BAZ2A: variants seen among roughly 807,000 people sequenced by gnomAD.
The protein encoded by BAZ2A is bromodomain adjacent to zinc finger domain 2A, also known as bromodomain adjacent to zinc finger domain protein 2A.
In BAZ2A, 34 loss-of-function variants were observed where a neutral mutation model predicts 199.9. The ratio of observed to expected loss-of-function variants is 0.17; its 90% CI spans 0.13 to 0.23. The LOEUF (loss-of-function observed/expected upper bound fraction) is 0.23, where lower values mean the gene tolerates loss of function less well. BAZ2A is among the 10% of genes least tolerant of loss of function. BAZ2A has a pLI of 1.00. For missense variants in BAZ2A, 2,002 were observed against 2,391.1 expected (o/e 0.84, Z 3.39); for synonymous variants, 857 against 883.9 (o/e 0.97, Z 0.54).
rs761759458 is a variant in BAZ2A, at chr12:56,630,202, G to A, written c.-80C>T. 12 of 985,582 alleles carry A rather than the reference G, an allele frequency of 1.2e-5. No homozygotes were observed. The highest frequency in any genetic ancestry group is 1.1e-4 in the East Asian group (1 of 8,816). 61.1% of individuals were successfully genotyped at this position (985,582 alleles called of 1,614,324 possible). A position where few individuals can be genotyped will look rare whatever the true frequency, so the allele number is the denominator to read the frequency against. ...AGCGGTTCACATGGCCGCGCTCCGGGCGCCAGAACGGGTGGAGACGCCCGC... is the reference window on the plus strand; with the variant it reads ...AGCGGTTCACATGGCCGCGCTCCGGACGCCAGAACGGGTGGAGACGCCCGC... On this transcript the variant is annotated 5_prime_UTR_variant, in exon 1 of 29. Coordinates refer to ENST00000549884, the MANE Select transcript of BAZ2A (RefSeq NM_001300905.2).
intron 1 of BAZ2A, among the ~76,000 whole-genome samples, chr12:56,622,831 T>C (rs1950961373): frequency 1.3e-5 from 2 of 152,192 alleles, no homozygotes; most frequent in Non-Finnish European, 2.9e-5. Flanking sequence ...GTAAGGGACA[T>C]TGCCCTATAA....
At chr12:56,625,154 C>CTT (rs1002458672) in intron 1 of BAZ2A, among the ~76,000 whole-genome samples, 224 of 108,060 alleles carry the variant, frequency 2.1e-3, no homozygotes, top group Middle Eastern at 0.01. Flanking sequence ...CTTAGAATTT[C>CTT]TTTTTTTTTT....
At chr12:56,634,562 G>A (rs1363098755), upstream of BAZ2A, among the ~76,000 whole-genome samples, 1 of 152,228 alleles carries the variant, frequency 6.6e-6, no homozygotes, top group Non-Finnish European at 1.5e-5. Context: ...CTACGGGGAA[G>A]GAGAGGAGTT....
Position 56,604,302 on chromosome 12 carries a change from A to G in BAZ2A, c.2964-11T>C, listed in dbSNP as rs552425971. 5.0e-6 allele frequency: 8 copies of G among 1,602,236 alleles called. No homozygotes were observed. In the African/African-American group the frequency reaches 8.0e-5, roughly 16 times the overall value. On this transcript the variant is annotated splice_polypyrimidine_tract_variant and intron_variant, in intron 15 of 28. Coordinates refer to ENST00000549884, the MANE Select transcript of BAZ2A (RefSeq NM_001300905.2). ...GTCTTGTCAATCTCACTGCAGGGGA[A>G]TAGGGAATAGGATGAAGTGGCAGCA... is the stretch of plus-strand genomic sequence containing the variant.
Position 56,605,344 on chromosome 12 carries a change from G to A in BAZ2A, c.2494-17C>T. On this transcript the variant is annotated splice_polypyrimidine_tract_variant and intron_variant, in intron 13 of 28. Transcript: ENST00000549884. Reference sequence around the variant, plus strand: ...AGGCAGGGGCTAGAGAGAGAAAAGTGAGTAGAGAGTTCTGTTAAACATAAC... The same window carrying A: ...AGGCAGGGGCTAGAGAGAGAAAAGTAAGTAGAGAGTTCTGTTAAACATAAC... 1 of 1,592,122 alleles carries A rather than the reference G, an allele frequency of 6.3e-7. No homozygotes were observed. Among genetic ancestry groups the A allele is most frequent in the South Asian group, 1.1e-5 (1 of 89,346 alleles).
Position 56,600,410 on chromosome 12 carries a change from G to T in BAZ2A, c.4683C>A (p.Ile1561=). 6.2e-7 allele frequency: 1 copy of T among 1,614,044 alleles called. No homozygotes were observed. Residue 1561 remains isoleucine (I), a synonymous_variant, in exon 24 of 29, where the codon ATC becomes ATA. Transcript: ENST00000549884. ...CCTCCCTGCCCCGACCTCGCCAGGT[G>T]ATATCCTCCTGGGAGTCGGAGAGGT... is the stretch of plus-strand genomic sequence containing the variant. ...CEHLSDSQED[I]TWRGRGREGL...
chr12:56,613,983 A>C lies in BAZ2A; in HGVS notation c.886T>G (p.Ser296Ala). 1.2e-6 allele frequency: 2 copies of C among 1,613,956 alleles called. No homozygotes were observed. The highest frequency in any genetic ancestry group is 2.2e-5 in the South Asian group (2 of 91,074). ...LEDTPILSED[S>A]LEPFNSLAPE... Reference sequence around the variant, plus strand: ...GCCAGAGAGTTGAAGGGCTCCAGAGAGTCTTCACTGAGGATTGGAGTGTCT... The same window carrying C: ...GCCAGAGAGTTGAAGGGCTCCAGAGCGTCTTCACTGAGGATTGGAGTGTCT... The change falls in exon 4 of 29, where the codon TCT (serine) becomes GCT (alanine). Residue 296 changes from serine (S) to alanine (A), a missense_variant. Around this residue, in one of 6 missense-constraint regions of BAZ2A, gnomAD observed 641 missense variants for 694.5 expected, o/e 0.92. Transcript: ENST00000549884.
intron 1 of BAZ2A, among the ~76,000 whole-genome samples, chr12:56,625,611 C>G (rs1197767963): frequency 6.6e-6 from 1 of 152,034 alleles, no homozygotes; most frequent in African/African-American, 2.4e-5. Context: ...AACTTCTTGG[C>G]TCACGCCTGT....
rs760779752 is a variant in BAZ2A, at chr12:56,601,625, T to C, written c.3992A>G (p.Asn1331Ser). The change falls in exon 20 of 29, where the codon AAT becomes AGT. Residue 1331 changes from asparagine to serine, a missense_variant. By Grantham distance (46) the Asn-to-Ser change is conservative. Transcript: ENST00000549884. Reference protein sequence around the residue: ...WFNISAQMPCNAAPTPPPAVS... With the variant: ...WFNISAQMPCSAAPTPPPAVS... The stretch of plus-strand genomic sequence containing the variant: ...TGCAGGGGGCGGTGTGGGGGCAGCA[T>C]TGCAGGGCATCTGGGCTGAGATGTT... The C allele has an allele frequency of 2.2e-5, 35 of 1,613,744 alleles. No homozygotes were observed. The highest frequency in any genetic ancestry group is 8.3e-5 in the Admixed American group (5 of 59,992).
rs1449447836 is a variant in BAZ2A, at chr12:56,596,810, T to TCTGA, written c.*1804_*1807dup. ...ATAAAATTAAAAGTTTTGAGGTTTA[T>TCTGA]CTGACAGAAAAGGCGACTTTAGAAA... On this transcript the variant is annotated 3_prime_UTR_variant, in exon 29 of 29. Transcript: ENST00000549884. 1.1e-4 allele frequency: 17 copies of TCTGA among 152,462 alleles called. No homozygotes were observed. Among genetic ancestry groups the TCTGA allele is most frequent in the Admixed American group, 5.2e-4 (8 of 15,288 alleles). The allele number at this position is 152,462 out of a possible 1,614,324, so 9.4% of individuals were successfully genotyped here. A position where few individuals can be genotyped will look rare whatever the true frequency, so the allele number is the denominator to read the frequency against.
intron 4 of BAZ2A, among the ~76,000 whole-genome samples, chr12:56,613,652 A>G (rs1293771888): frequency 6.6e-6 from 1 of 152,208 alleles, no homozygotes; most frequent in Non-Finnish European, 1.5e-5. Flanking sequence ...TTTTCTTCCT[A>G]GTTTGTCAGA....
At position 56,605,331 on chromosome 12, in the gene BAZ2A, G is replaced by C. The variant is rs1166429689; in HGVS notation, c.2494-4C>G. ...CTCGTGAGAAGTCAGGCAGGGGCTA[G>C]AGAGAGAAAAGTGAGTAGAGAGTTC... is the stretch of plus-strand genomic sequence containing the variant. On this transcript the variant is annotated splice_region_variant and splice_polypyrimidine_tract_variant and intron_variant, in intron 13 of 28. Coordinates refer to ENST00000549884, the MANE Select transcript of BAZ2A (RefSeq NM_001300905.2). 8.1e-6 allele frequency: 13 copies of C among 1,604,694 alleles called. No individual in the cohort carries two copies. The highest frequency in any genetic ancestry group is 1.1e-5 in the Non-Finnish European group (13 of 1,173,102).
chr12:56,612,246 T>G lies in BAZ2A; in HGVS notation c.1136A>C (p.Asp379Ala). ...ACCATTATTCAGGTCAAAGCTGTTA[T>G]CTAGAATCCAAAGGGACAGGATAGG... ...PPVLGESVLQ[D>A]NSFDLNNGSD... The change falls in exon 6 of 29, where the codon GAT becomes GCT. Residue 379 changes from aspartate (D) to alanine (A), a missense_variant and splice_region_variant. Physicochemically the swap from Asp to Ala is moderately radical, Grantham distance 126 (BLOSUM62 -2). Coordinates refer to ENST00000549884, the MANE Select transcript of BAZ2A (RefSeq NM_001300905.2). 24 of 1,610,836 alleles carry G rather than the reference T, an allele frequency of 1.5e-5. No individual in the cohort carries two copies. The highest frequency in any genetic ancestry group is 2.0e-5 in the Non-Finnish European group (24 of 1,177,866).
At chr12:56,626,438 C>T (rs749331201) in intron 1 of BAZ2A, among the ~76,000 whole-genome samples, 111 of 152,176 alleles carry the variant, frequency 7.3e-4, no homozygotes, top group Non-Finnish European at 1.2e-3. Flanking sequence ...AAGACACTGT[C>T]AGTAACCCTA....
chr12:56,635,159 TC>T, upstream of BAZ2A: 1 of 494,006 alleles, frequency 2.0e-6, no homozygotes, highest in Non-Finnish European at 2.6e-6. This position sits in a 1 kb window ranked among gnomAD's most constrained non-coding sequence, Gnocchi z 4.1. Flanking sequence ...GGGTGGCGTC[TC>T]CTAGGGGCCA....
intron 9 of BAZ2A, 38 bp from the exon 10 acceptor site, chr12:56,609,984 T>G: frequency 6.2e-7 from 1 of 1,608,888 alleles, no homozygotes; most frequent in South Asian, 1.1e-5. Context: ...TAGTAAGGAA[T>G]CAGTGCAGGC....
chr12:56,621,128 T>G, intron 1 of BAZ2A: 1 of 985,366 alleles, frequency 1.0e-6, no homozygotes, highest in Non-Finnish European at 1.2e-6. Context: ...TCCCCTGGTG[T>G]GGAGGATACA....
Position 56,600,460 on chromosome 12 carries a change from G to C in BAZ2A, c.4633C>G (p.Arg1545Gly). 6.2e-7 allele frequency: 1 copy of C among 1,613,802 alleles called. No homozygotes were observed. Among genetic ancestry groups the C allele is most frequent in the Non-Finnish European group, 8.5e-7 (1 of 1,179,878 alleles). Reference protein sequence around the residue: ...GWTCPSPDSTREDLAYCEHLS... With the variant: ...GWTCPSPDSTGEDLAYCEHLS... Reference sequence around the variant, plus strand: ...TGCTCACAGTAGGCCAAGTCTTCACGGGTAGAGTCTGGGCTAGGACATGTC... The same window carrying C: ...TGCTCACAGTAGGCCAAGTCTTCACCGGTAGAGTCTGGGCTAGGACATGTC... Residue 1545 changes from arginine to glycine, a missense_variant, in exon 24 of 29, where the codon CGT (arginine) becomes GGT (glycine). Arg to Gly is a moderately radical substitution (Grantham distance 125). Transcript: ENST00000549884.
At chr12:56,610,326 C>A in intron 8 of BAZ2A, 83 bp downstream of exon 8, 1 of 1,577,774 alleles carries the variant, frequency 6.3e-7, no homozygotes, top group Non-Finnish European at 8.7e-7. Context: ...CCTGTTGTCA[C>A]TGAGCCCAAG....
Sources: allele counts gnomAD v4.1 joint callset (sites outside exome capture counted in the v4.1 genomes callset), GRCh38; gene constraint gnomAD v4.1.1; regional missense constraint gnomAD v4.1.1; non-coding constraint Gnocchi (gnomAD v3.1); transcripts MANE v1.5; gene names NCBI Gene and HGNC (gene_info 2026-07-23, HGNC 2026-07-21).